HSD17B6: variants seen among roughly 807,000 people sequenced by gnomAD.
The protein encoded by HSD17B6 is 17-beta-hydroxysteroid dehydrogenase type 6.
A neutral mutation model predicts 26.4 loss-of-function variants in HSD17B6; 16 were observed. That is an observed-to-expected ratio of 0.61 (90% CI 0.41 to 0.92). The LOEUF (loss-of-function observed/expected upper bound fraction) is 0.92, where lower values mean the gene tolerates loss of function less well. HSD17B6 is among the 40% of genes least tolerant of loss of function. HSD17B6 has a pLI of 0.00. For missense variants in HSD17B6, 357 were observed against 386.1 expected (o/e 0.92, Z 0.63); for synonymous variants, 139 against 153.0 (o/e 0.91, Z 0.68).
intron 4 of HSD17B6, among the ~76,000 whole-genome samples, chr12:56,785,557 A>G (rs1472329450): frequency 6.6e-6 from 1 of 152,246 alleles, no homozygotes; most frequent in East Asian, 1.9e-4. Context: ...GATGACTATC[A>G]TGGTTGAGGA....
chr12:56,766,679 A>C (rs1001244433), intron 1 of HSD17B6, among the ~76,000 whole-genome samples: 1 of 152,198 alleles, frequency 6.6e-6, no homozygotes, highest in Admixed American at 6.6e-5. Flanking sequence ...TTAACCAGAC[A>C]GCCCTATGTG....
chr12:56,783,611 C>T (rs1363442551), intron 3 of HSD17B6, among the ~76,000 whole-genome samples: 2 of 135,652 alleles, frequency 1.5e-5, no homozygotes, highest in Admixed American at 7.0e-5. Flanking sequence ...CACCTCCCTC[C>T]CGGACGGAGC....
In HSD17B6 at chr12:56,774,159, G is replaced by A. The variant is rs1253044359; in HGVS notation, c.307G>A (p.Asp103Asn). 6.5e-7 allele frequency: 1 copy of A among 1,548,380 alleles called. No individual in the cohort carries two copies. The highest frequency in any genetic ancestry group is 2.3e-5 in the East Asian group (1 of 44,220). ...ATQWVKEHVG[D>N]RGLWGLVNNA... ...TCAGTGGGTGAAGGAGCATGTGGGG[G>A]ACAGAGGTATGAAATATTTTCTCCT... The change falls in exon 2 of 5, where the codon GAC becomes AAC. Residue 103 changes from aspartate (D) to asparagine (N), a missense_variant. Asp to Asn is a conservative substitution (Grantham distance 23). Transcript: ENST00000322165.
At chr12:56,766,191 C>A (rs1286849510) in intron 1 of HSD17B6, among the ~76,000 whole-genome samples, 1 of 151,982 alleles carries the variant, frequency 6.6e-6, no homozygotes, top group Non-Finnish European at 1.5e-5. Flanking sequence ...ATAAAATGAC[C>A]CCACCCCATC....
At chr12:56,786,685 A>T (rs1954882162) in intron 4 of HSD17B6, among the ~76,000 whole-genome samples, 1 of 152,180 alleles carries the variant, frequency 6.6e-6, no homozygotes, top group South Asian at 2.1e-4. Flanking sequence ...CCTTGTGTCT[A>T]CAAAAAATAA....
intron 1 of HSD17B6, among the ~76,000 whole-genome samples, chr12:56,768,839 T>G (rs1954403613): frequency 6.6e-6 from 1 of 152,088 alleles, no homozygotes; most frequent in African/African-American, 2.4e-5. Flanking sequence ...CTGGTCTTTC[T>G]CTAGCACCAC....
intron 1 of HSD17B6, among the ~76,000 whole-genome samples, chr12:56,764,709 C>T (rs772539122): frequency 1.1e-4 from 16 of 152,190 alleles, no homozygotes; most frequent in Non-Finnish European, 1.6e-4. Flanking sequence ...ATTTTGAACA[C>T]GAGCACACAG....
At chr12:56,774,991 A>G (rs1183996889) in intron 2 of HSD17B6, among the ~76,000 whole-genome samples, 3 of 152,230 alleles carry the variant, frequency 2.0e-5, no homozygotes, top group Non-Finnish European at 4.4e-5. Context: ...CAAGGAAAAA[A>G]GTCTGTATAT....
rs376212119 is a variant in HSD17B6, at chr12:56,787,118, T to G, written c.737-7T>G. The G allele has an allele frequency of 1.4e-5, 22 of 1,603,944 alleles. 2 individuals carry two copies. In the South Asian group the frequency reaches 2.3e-4, roughly 17 times the overall value. ...TTGTTGACCACCATTTCTTTTTTTG[T>G]ATACAGTTTACAATATCATGAAGGA... On this transcript the variant is annotated splice_polypyrimidine_tract_variant and splice_region_variant and intron_variant, in intron 4 of 4. Transcript: ENST00000322165.
intron 1 of HSD17B6, among the ~76,000 whole-genome samples, chr12:56,765,247 C>A (rs1027067162): frequency 2.0e-5 from 3 of 151,838 alleles, no homozygotes; most frequent in African/African-American, 7.3e-5. Flanking sequence ...CCAGCCTGGG[C>A]AATATGGTAA....
intron 2 of HSD17B6, among the ~76,000 whole-genome samples, chr12:56,776,496 C>A (rs527732477): frequency 1.3e-5 from 2 of 151,660 alleles, no homozygotes; most frequent in African/African-American, 4.8e-5. Flanking sequence ...CTTTTAGAGA[C>A]GTCATCTCAC....
chr12:56,787,765 T>C lies in HSD17B6; in HGVS notation c.*423T>C, dbSNP rs945101327. ...TGGGTCTGTATTATGGTACTTTTAATAAATATTTGATTTTTCTTTCTCTTC... is the reference window on the plus strand; with the variant it reads ...TGGGTCTGTATTATGGTACTTTTAACAAATATTTGATTTTTCTTTCTCTTC... On this transcript the variant is annotated 3_prime_UTR_variant, in exon 5 of 5. Transcript: ENST00000322165. The C allele has an allele frequency of 6.5e-6, 1 of 153,104 alleles. No individual in the cohort carries two copies. The highest frequency in any genetic ancestry group is 2.4e-5 in the African/African-American group (1 of 41,494). The allele number at this position is 153,104 out of a possible 1,614,324, so 9.5% of individuals were successfully genotyped here.
intron 2 of HSD17B6, among the ~76,000 whole-genome samples, chr12:56,780,905 G>A (rs1052058956): frequency 5.3e-5 from 8 of 150,700 alleles, no homozygotes; most frequent in African/African-American, 2.0e-4. Context: ...TAAAATGTGA[G>A]GTCCTGCTGC....
chr12:56,782,814 G>C, intron 3 of HSD17B6, among the ~76,000 whole-genome samples: 1 of 152,000 alleles, frequency 6.6e-6, no homozygotes, highest in South Asian at 2.1e-4. Context: ...GTGTCCCTGG[G>C]TACTTGAGAT....
At chr12:56,769,099 C>T (rs991032538) in intron 1 of HSD17B6, among the ~76,000 whole-genome samples, 1 of 127,460 alleles carries the variant, frequency 7.8e-6, no homozygotes, top group Non-Finnish European at 1.6e-5. Context: ...TTCAGCTTTT[C>T]AAGGTTTTTT....
At chr12:56,775,347 A>G (rs1954569370) in intron 2 of HSD17B6, among the ~76,000 whole-genome samples, 1 of 152,136 alleles carries the variant, frequency 6.6e-6, no homozygotes, top group South Asian at 2.1e-4. Context: ...CCTTTCAATT[A>G]GCTGGGATTA....
chr12:56,765,942 T>A (rs1039258887), intron 1 of HSD17B6, among the ~76,000 whole-genome samples: 1 of 152,178 alleles, frequency 6.6e-6, no homozygotes, highest in Non-Finnish European at 1.5e-5. Flanking sequence ...GTGACCTGCA[T>A]GTATACATCC....
intron 1 of HSD17B6, among the ~76,000 whole-genome samples, chr12:56,767,705 A>G (rs927399893): frequency 8.3e-5 from 12 of 144,786 alleles, no homozygotes; most frequent in Non-Finnish European, 1.3e-4. Flanking sequence ...TATATTATAT[A>G]TACACATATA....
At chr12:56,780,793 G>A (rs1460051361) in intron 2 of HSD17B6, among the ~76,000 whole-genome samples, 1 of 145,390 alleles carries the variant, frequency 6.9e-6, no homozygotes, top group African/African-American at 2.6e-5. Context: ...AGCTTGCAGT[G>A]AGTGGAGATC....
Sources: gnomAD v4.1 joint callset for allele counts (sites outside exome capture counted in the v4.1 genomes callset) on GRCh38, gnomAD v4.1.1 for gene constraint, MANE v1.5 for transcripts, NCBI Gene and HGNC (gene_info 2026-07-23, HGNC 2026-07-21) for gene names.